The following ESRRG variants were observed in gnomAD, a reference collection of about 807,000 sequenced individuals.
The protein encoded by ESRRG is estrogen related receptor gamma, also known as estrogen-related receptor gamma.
A neutral mutation model predicts 44.0 loss-of-function variants in ESRRG; 13 were observed. That is an observed-to-expected ratio of 0.30 (90% CI 0.19 to 0.47). ESRRG has a LOEUF of 0.47. Among genes scored for constraint, ESRRG ranks in the 20% least tolerant of loss-of-function variants. The probability of loss-of-function intolerance (pLI) is 1.00; values close to 1 mark genes in which losing one functional copy is unlikely to be tolerated. For missense variants in ESRRG, 395 were observed against 580.6 expected (o/e 0.68, Z 3.29); for synonymous variants, 215 against 214.6 (o/e 1.00, Z -0.02).
At chr1:216,520,065 AGCC>A (rs1337354046) in intron 5 of ESRRG, among the ~76,000 whole-genome samples, 1 of 152,154 alleles carries the variant, frequency 6.6e-6, no homozygotes, top group Non-Finnish European at 1.5e-5. Flanking sequence ...AATATGTAGC[AGCC>A]TGGCCTCCCC....
At chr1:216,862,878 T>C (rs918303009) in intron 2 of ESRRG, 1 of 152,220 alleles carries the variant, frequency 6.6e-6, no homozygotes, top group African/African-American at 2.4e-5. Flanking sequence ...TCCAATTATA[T>C]ACTGTAATGT....
Position 216,570,677 on chromosome 1 carries a change from G to A in ESRRG, c.590-2579C>T, listed in dbSNP as rs182884382. On this transcript the variant is annotated intron_variant, in intron 3 of 6. Coordinates refer to ENST00000408911, the MANE Select transcript of ESRRG (RefSeq NM_001438.4). Reference sequence around the variant, plus strand: ...TTGTCATCCAATTCCAACCCAATGAGAACATTTAATCTGATATTATTAGAA... The same window carrying A: ...TTGTCATCCAATTCCAACCCAATGAAAACATTTAATCTGATATTATTAGAA... Among the ~76,000 whole-genome samples the A allele has an allele frequency of 3.4e-3, 524 of 152,170 alleles. 3 individuals are homozygous for A. Among genetic ancestry groups the A allele is most frequent in the Non-Finnish European group, 6.1e-3 (414 of 68,010 alleles).
chr1:216,568,180 G>A, intron 3 of ESRRG, 82 bp from the exon 4 acceptor site: 1 of 928,850 alleles, frequency 1.1e-6, no homozygotes, highest in South Asian at 1.3e-5. Context: ...TATCCCCCAA[G>A]AGCACATAGG....
At chr1:217,119,231 T>A (rs886945898) in intron 1 of ESRRG, among the ~76,000 whole-genome samples, 2 of 152,182 alleles carry the variant, frequency 1.3e-5, no homozygotes, top group Non-Finnish European at 2.9e-5. Context: ...GGTGTCCACA[T>A]CCCTAACACT....
At chr1:217,066,801 A>G (rs990954257) in intron 1 of ESRRG, among the ~76,000 whole-genome samples, 4 of 152,080 alleles carry the variant, frequency 2.6e-5, no homozygotes, top group African/African-American at 7.2e-5. Context: ...AATAATCCCA[A>G]ATCTCTCCAG....
intron 2 of ESRRG, among the ~76,000 whole-genome samples, chr1:216,795,685 GA>G (rs895965551): frequency 3.3e-5 from 5 of 152,000 alleles, no homozygotes; most frequent in African/African-American, 4.8e-5. Flanking sequence ...ACAATTCTAG[GA>G]AAACAAAGGC....
intron 5 of ESRRG, among the ~76,000 whole-genome samples, chr1:216,538,393 G>A (rs932684533): frequency 6.6e-6 from 1 of 152,012 alleles, no homozygotes; most frequent in African/African-American, 2.4e-5. Flanking sequence ...GCGTGAGTCT[G>A]TGAGAAGCGC....
At chr1:216,864,685 T>A (rs1341546011) in intron 2 of ESRRG, 4 of 151,740 alleles carry the variant, frequency 2.6e-5, no homozygotes, top group Non-Finnish European at 5.9e-5. Flanking sequence ...GGAATAAACG[T>A]GATCTTTCAC....
intron 2 of ESRRG, among the ~76,000 whole-genome samples, chr1:216,757,162 T>A (rs542628933): frequency 6.6e-6 from 1 of 152,174 alleles, no homozygotes; most frequent in Non-Finnish European, 1.5e-5. Flanking sequence ...TCCTAAGCAG[T>A]AATTCTCTCT....
At chr1:217,005,467 A>T (rs2077609612) in intron 1 of ESRRG, among the ~76,000 whole-genome samples, 1 of 152,176 alleles carries the variant, frequency 6.6e-6, no homozygotes, top group Non-Finnish European at 1.5e-5. Flanking sequence ...GTTGCTTGGC[A>T]TACACAGATA....
intron 6 of ESRRG, among the ~76,000 whole-genome samples, chr1:216,515,657 A>G (rs2044035753): frequency 6.6e-6 from 1 of 152,140 alleles, no homozygotes; most frequent in African/African-American, 2.4e-5. Flanking sequence ...AGTAAAAAAG[A>G]AAACTTGACT....
At chr1:216,961,030 A>G (rs2068939088) in intron 1 of ESRRG, among the ~76,000 whole-genome samples, 1 of 152,208 alleles carries the variant, frequency 6.6e-6, no homozygotes, top group Non-Finnish European at 1.5e-5. Flanking sequence ...CATATTACAA[A>G]GCTACTGTAA....
chr1:217,013,156 A>T (rs1369469430), intron 1 of ESRRG, among the ~76,000 whole-genome samples: 2 of 152,262 alleles, frequency 1.3e-5, no homozygotes, highest in Admixed American at 6.5e-5. Flanking sequence ...AAACGGGATC[A>T]CATTCCTCTG....
intron 1 of ESRRG, among the ~76,000 whole-genome samples, chr1:216,969,150 T>C (rs1014690523): frequency 3.3e-5 from 5 of 152,196 alleles, no homozygotes; most frequent in African/African-American, 1.2e-4. Context: ...ATATGGTGTG[T>C]TTACTATGTG....
chr1:217,074,958 C>G (rs2091089613), intron 1 of ESRRG, among the ~76,000 whole-genome samples: 1 of 152,118 alleles, frequency 6.6e-6, no homozygotes, highest in Non-Finnish European at 1.5e-5. Flanking sequence ...TTTCCTCAAT[C>G]AAAAATACAG....
chr1:216,948,930 A>G lies in ESRRG; in HGVS notation c.-105-9257T>C, dbSNP rs115528329. On this transcript the variant is annotated intron_variant, in intron 1 of 7. Transcript: ENST00000359162. ...CAAGGATCTACTTAGGGCCCCCAAA[A>G]CAAGAACATAAGCTTAGAGCACTTT... Among the ~76,000 whole-genome samples the G allele has an allele frequency of 5.1e-3, 779 of 152,254 alleles. 5 individuals are homozygous for G. The highest frequency in any genetic ancestry group is 0.018 in the African/African-American group (751 of 41,562).
intron 1 of ESRRG, among the ~76,000 whole-genome samples, chr1:217,054,474 C>A (rs2086693388): frequency 6.6e-6 from 1 of 152,006 alleles, no homozygotes; most frequent in Admixed American, 6.6e-5. Flanking sequence ...ATTTGAGGGT[C>A]GACTCAAAAG....
intron 2 of ESRRG, among the ~76,000 whole-genome samples, chr1:216,805,581 C>T (rs1241917805): frequency 6.6e-6 from 1 of 152,130 alleles, no homozygotes; most frequent in Non-Finnish European, 1.5e-5. Flanking sequence ...AAATATCACA[C>T]TGTCCAATTT....
At chr1:217,059,781 AGGC>A (rs1178603816) in intron 1 of ESRRG, among the ~76,000 whole-genome samples, 4 of 152,106 alleles carry the variant, frequency 2.6e-5, no homozygotes, top group Non-Finnish European at 5.9e-5. Flanking sequence ...TATACAACTC[AGGC>A]TCAGAAGAAC....
Sources: gnomAD v4.1 joint callset for allele counts (sites outside exome capture counted in the v4.1 genomes callset) on GRCh38, gnomAD v4.1.1 for gene constraint, MANE v1.5 for transcripts, NCBI Gene and HGNC (gene_info 2026-07-23, HGNC 2026-07-21) for gene names.